Variants in KCNK2 observed in about 807,000 individuals in gnomAD.
KCNK2 encodes potassium channel subfamily K member 2.
KCNK2 carries 21 observed loss-of-function variants against 40.5 expected under a neutral mutation model. The ratio of observed to expected loss-of-function variants is 0.52; its 90% CI spans 0.37 to 0.75. The LOEUF (loss-of-function observed/expected upper bound fraction) is 0.75. KCNK2 is among the 30% of genes least tolerant of loss of function. The pLI is 0.00. For synonymous variants in KCNK2, 191 were observed against 202.2 expected, an observed-to-expected ratio of 0.94 and a Z score of 0.47; for missense variants, 399 against 531.6, an observed-to-expected ratio of 0.75 and a Z score of 2.45.
At chr1:215,230,286 G>T (rs1666578691) in intron 6 of KCNK2, among the ~76,000 whole-genome samples, 1 of 150,254 alleles carries the variant, frequency 6.7e-6, no homozygotes, top group Non-Finnish European at 1.5e-5. Context: ...TTGCTCCTAG[G>T]CTACAAATCT....
At chr1:215,172,974 A>T (rs10864157) in intron 5 of KCNK2, among the ~76,000 whole-genome samples, 117,263 of 151,948 alleles carry the variant, frequency 0.77, 45,550 homozygotes, top group Non-Finnish European at 0.79. Context: ...ATTATTTTTT[A>T]AAATATATAT....
At chr1:215,123,225 T>C (rs373690401) in intron 2 of KCNK2, among the ~76,000 whole-genome samples, 1 of 151,352 alleles carries the variant, frequency 6.6e-6, no homozygotes, top group East Asian at 1.9e-4. Flanking sequence ...AATATGGTAA[T>C]AAAAAAAACC....
rs1162302568 is a variant in KCNK2, at chr1:215,007,185, G to GTATATATA, written c.34+1265_34+1272dup. On this transcript the variant is annotated intron_variant, in intron 1 of 6. Coordinates refer to the KCNK2 transcript ENST00000391895. ...TGTATATATATATGTATGTGTGTGGGTATATATATATATATATATATATAT... is the reference window on the plus strand; with the variant it reads ...TGTATATATATATGTATGTGTGTGGGTATATATATATATATATATATATATATATATAT... 1.6e-3 allele frequency among the ~76,000 whole-genome samples: 50 copies of GTATATATA among 31,022 alleles called. 5 individuals carry two copies. Among genetic ancestry groups the GTATATATA allele is most frequent in the African/African-American group, 4.7e-3 (38 of 8,168 alleles). 20.4% of individuals were successfully genotyped at this position (31,022 alleles called of 152,430 possible).
intron 1 of KCNK2, among the ~76,000 whole-genome samples, chr1:215,027,501 T>G (rs1462837921): frequency 6.6e-6 from 1 of 152,214 alleles, no homozygotes; most frequent in Admixed American, 6.5e-5. Flanking sequence ...ATATGAGATA[T>G]TCTGGAATTT....
intron 3 of KCNK2, among the ~76,000 whole-genome samples, chr1:215,148,332 C>G (rs1414124665): frequency 6.6e-6 from 1 of 151,786 alleles, no homozygotes; most frequent in Non-Finnish European, 1.5e-5. Context: ...GCCTCAACCT[C>G]CCAAAGTGCT....
chr1:215,093,540 ATAC>A (rs1659795132), intron 2 of KCNK2, among the ~76,000 whole-genome samples: 1 of 112,838 alleles, frequency 8.9e-6, no homozygotes, highest in African/African-American at 3.6e-5. Context: ...TAGAATATAT[ATAC>A]TATATTGTAT....
intron 5 of KCNK2, among the ~76,000 whole-genome samples, chr1:215,182,079 T>C (rs1664238784): frequency 6.6e-6 from 1 of 152,126 alleles, no homozygotes; most frequent in South Asian, 2.1e-4. Flanking sequence ...TCCAGATGCC[T>C]GGAGATCTAC....
At chr1:215,143,067 A>G (rs916211211) in intron 3 of KCNK2, among the ~76,000 whole-genome samples, 2 of 152,134 alleles carry the variant, frequency 1.3e-5, no homozygotes, top group Non-Finnish European at 2.9e-5. Context: ...GTAGGAAACT[A>G]AGGTGCGAAG....
intron 5 of KCNK2, among the ~76,000 whole-genome samples, chr1:215,173,432 A>T (rs9793690): frequency 6.6e-6 from 1 of 151,982 alleles, no homozygotes; most frequent in East Asian, 1.9e-4. Context: ...ATAAATATAC[A>T]TGTGCATGTG....
chr1:215,111,363 T>C (rs530045871), intron 2 of KCNK2, among the ~76,000 whole-genome samples: 1 of 152,272 alleles, frequency 6.6e-6, no homozygotes, highest in East Asian at 1.9e-4. Context: ...TAGGGTGTTA[T>C]ATATGACTAT....
chr1:215,188,440 T>A (rs1471560380), intron 5 of KCNK2, among the ~76,000 whole-genome samples: 1 of 152,242 alleles, frequency 6.6e-6, no homozygotes, highest in African/African-American at 2.4e-5. Context: ...ATTTTCAAAG[T>A]CATTATTGGA....
intron 2 of KCNK2, among the ~76,000 whole-genome samples, chr1:215,122,995 C>A (rs934927333): frequency 1.3e-5 from 2 of 151,926 alleles, no homozygotes; most frequent in Admixed American, 1.3e-4. Flanking sequence ...CCACCCGCCT[C>A]GGCCTTCCAA....
intron 2 of KCNK2, among the ~76,000 whole-genome samples, chr1:215,089,274 A>T (rs1385332643): frequency 3.3e-5 from 5 of 152,202 alleles, no homozygotes; most frequent in Non-Finnish European, 7.3e-5. Context: ...TCTTTTGGTC[A>T]GGCATTTTTC....
chr1:215,014,641 C>G (rs1056104033), intron 1 of KCNK2, among the ~76,000 whole-genome samples: 1 of 151,986 alleles, frequency 6.6e-6, no homozygotes, highest in South Asian at 2.1e-4. Context: ...GTTTATCATG[C>G]TAATCCAAAT....
intron 1 of KCNK2, among the ~76,000 whole-genome samples, chr1:215,007,037 A>ATATATATATGTGTGTGTG (rs1330420661): frequency 3.9e-5 from 2 of 51,604 alleles, no homozygotes; most frequent in East Asian, 7.0e-4. Context: ...ATATATATAT[A>ATATATATATGTGTGTGTG]TGTGTGTGTG....
chr1:215,209,496 TA>T (rs1279483157), intron 6 of KCNK2, among the ~76,000 whole-genome samples: 4 of 2,420 alleles, frequency 1.7e-3, no homozygotes, highest in South Asian at 0.071. Context: ...TACATATATA[TA>T]ATATATAATA....
chr1:215,083,208 CCTCCCGCGTCCAGCCCCGCT>C lies in KCNK2; in HGVS notation c.-172_-153del. 1 of 1,135,098 alleles carries C rather than the reference CCTCCCGCGTCCAGCCCCGCT, an allele frequency of 8.8e-7. No homozygotes were observed. 70.3% of individuals were successfully genotyped at this position (1,135,098 alleles called of 1,614,324 possible). ...TCTTCTCACGCTCCCCCCCCCGCCC[CCTCCCGCGTCCAGCCCCGCT>C]CTCCCCACCTTGTAAAACAAAGCCG... On this transcript the variant is annotated 5_prime_UTR_variant, in exon 1 of 7. Transcript: ENST00000444842.
intron 2 of KCNK2, among the ~76,000 whole-genome samples, chr1:215,117,419 T>C (rs1179806426): frequency 6.6e-6 from 1 of 152,130 alleles, no homozygotes; most frequent in Non-Finnish European, 1.5e-5. Flanking sequence ...ACTGTAGAAC[T>C]GTAATGAGAG....
Position 215,041,058 on chromosome 1 carries a change from C to T in KCNK2, c.34+35103C>T, listed in dbSNP as rs377413978. Among the ~76,000 whole-genome samples the T allele has an allele frequency of 9.9e-4, 151 of 152,308 alleles. 5 individuals carry two copies. The South Asian group carries it at 0.031, about 31-fold the overall frequency. Reference sequence around the variant, plus strand: ...TTTCACTCTTCTCCTCATCTACCATCTTATTTCTGGCTAAATTAAGGAAAA... The same window carrying T: ...TTTCACTCTTCTCCTCATCTACCATTTTATTTCTGGCTAAATTAAGGAAAA... On this transcript the variant is annotated intron_variant, in intron 1 of 6. Transcript: ENST00000391895.
Sources: allele counts gnomAD v4.1 joint callset (sites outside exome capture counted in the v4.1 genomes callset), GRCh38; gene constraint gnomAD v4.1.1; transcripts MANE v1.5; gene names NCBI Gene and HGNC (gene_info 2026-07-23, HGNC 2026-07-21).